The following ZNF385D variants were observed in gnomAD, a reference collection of about 807,000 sequenced individuals.
The protein encoded by ZNF385D is zinc finger protein 385D.
In ZNF385D, 15 loss-of-function variants were observed where a neutral mutation model predicts 35.8. The observed-to-expected ratio is 0.42, with a 90% CI of 0.28 to 0.64. The LOEUF (loss-of-function observed/expected upper bound fraction) is 0.64, where lower values mean the gene tolerates loss of function less well. Ranked by LOEUF, ZNF385D falls within the 30% of genes least tolerant of loss-of-function variation. The probability of loss-of-function intolerance (pLI) is 0.23; values close to 1 mark genes in which losing one functional copy is unlikely to be tolerated. For missense variants in ZNF385D, 474 were observed against 494.6 expected (o/e 0.96, Z 0.39); for synonymous variants, 212 against 186.8 (o/e 1.13, Z -1.10).
At position 22,027,907 on chromosome 3, in the gene ZNF385D, C is replaced by T. The variant is rs550920164; in HGVS notation, c.325+140910G>A. 8.5e-5 allele frequency among the ~76,000 whole-genome samples: 13 copies of T among 152,302 alleles called. No homozygotes were observed. In the South Asian group the frequency reaches 2.7e-3, roughly 32 times the overall value. Reference sequence around the variant, plus strand: ...CAGATGGTTCTGCACTATATGCAGGCACTACCAAAAGTGGAGAGCTGCAGC... The same window carrying T: ...CAGATGGTTCTGCACTATATGCAGGTACTACCAAAAGTGGAGAGCTGCAGC... On this transcript the variant is annotated intron_variant, in intron 3 of 5. Coordinates refer to the ZNF385D transcript ENST00000494108.
intron 2 of ZNF385D, among the ~76,000 whole-genome samples, chr3:22,202,336 G>A (rs1221227192): frequency 6.6e-6 from 1 of 152,046 alleles, no homozygotes. Context: ...ATTCAGCCAT[G>A]TCTCCTTCTC....
intron 1 of ZNF385D, among the ~76,000 whole-genome samples, chr3:21,697,615 T>G (rs892850627): frequency 1.1e-4 from 16 of 152,078 alleles, no homozygotes; most frequent in African/African-American, 3.6e-4. Context: ...TGGGACTTAA[T>G]TAAACTAAAA....
chr3:21,702,642 A>G (rs1041630637), intron 1 of ZNF385D, among the ~76,000 whole-genome samples: 1 of 152,136 alleles, frequency 6.6e-6, no homozygotes, highest in Non-Finnish European at 1.5e-5. Flanking sequence ...ACTTTTATGC[A>G]CTGTTTCCCT....
chr3:21,496,422 T>C (rs1705861914), intron 4 of ZNF385D, among the ~76,000 whole-genome samples: 1 of 145,816 alleles, frequency 6.9e-6, no homozygotes, highest in South Asian at 2.1e-4. Context: ...TTGATATATA[T>C]ATCATATATA....
chr3:22,280,488 G>T (rs1701680734), intron 2 of ZNF385D, among the ~76,000 whole-genome samples: 1 of 151,802 alleles, frequency 6.6e-6, no homozygotes, highest in East Asian at 1.9e-4. Flanking sequence ...TCTACATGTG[G>T]CTTGCCGATT....
At chr3:22,079,926 A>C (rs1487611508) in intron 3 of ZNF385D, among the ~76,000 whole-genome samples, 4 of 152,090 alleles carry the variant, frequency 2.6e-5, no homozygotes, top group East Asian at 3.9e-4. Context: ...ATGTGTGTAC[A>C]TATATACATA....
At chr3:22,088,717 A>C (rs751638965) in intron 3 of ZNF385D, among the ~76,000 whole-genome samples, 5 of 152,182 alleles carry the variant, frequency 3.3e-5, no homozygotes, top group Non-Finnish European at 7.4e-5. Context: ...AAACAACAAC[A>C]AACTAACAAA....
At chr3:21,755,497 C>T (rs944898218), upstream of ZNF385D, among the ~76,000 whole-genome samples, 2 of 152,196 alleles carry the variant, frequency 1.3e-5, no homozygotes. Flanking sequence ...TTCACCTGCT[C>T]TCTCTACTGA....
At chr3:22,194,149 T>C (rs189427054) in intron 2 of ZNF385D, among the ~76,000 whole-genome samples, 4 of 149,440 alleles carry the variant, frequency 2.7e-5, no homozygotes, top group Middle Eastern at 3.6e-3. Flanking sequence ...TTATAATCTC[T>C]TATGTTTAGT....
intron 2 of ZNF385D, among the ~76,000 whole-genome samples, chr3:22,176,666 CT>C (rs1182570181): frequency 6.6e-6 from 1 of 152,088 alleles, no homozygotes; most frequent in Non-Finnish European, 1.5e-5. Flanking sequence ...AAATGCATTC[CT>C]TTCTTCCTTT....
At chr3:21,549,563 G>C (rs2062496340) in intron 3 of ZNF385D, among the ~76,000 whole-genome samples, 1 of 152,138 alleles carries the variant, frequency 6.6e-6, no homozygotes, top group Admixed American at 6.5e-5. Flanking sequence ...TTCAAACATA[G>C]TGACAACCTA....
chr3:22,328,507 C>T (rs1286108620), intron 2 of ZNF385D, among the ~76,000 whole-genome samples: 1 of 151,932 alleles, frequency 6.6e-6, no homozygotes, highest in African/African-American at 2.4e-5. Flanking sequence ...GCTCATGCCT[C>T]TAATCCCAGC....
rs192750731 is a variant in ZNF385D at position 22,039,104 on chromosome 3, G to A, written c.325+129713C>T. On this transcript the variant is annotated intron_variant, in intron 3 of 5. Transcript: ENST00000494108. ...CAAACGATCCCTATGCAGACCATGT[G>A]AACGAGCCAGAAGTGGAAGCATATA... Among the ~76,000 whole-genome samples the A allele has an allele frequency of 2.4e-3, 363 of 151,696 alleles. 3 individuals are homozygous for A. Among genetic ancestry groups the A allele is most frequent in the African/African-American group, 7.8e-3 (324 of 41,424 alleles).
intron 2 of ZNF385D, among the ~76,000 whole-genome samples, chr3:22,322,431 T>C (rs1483921250): frequency 2.6e-5 from 4 of 152,182 alleles, no homozygotes; most frequent in Non-Finnish European, 4.4e-5. Flanking sequence ...TATCTCCCAG[T>C]ACTATAAAGG....
intron 4 of ZNF385D, among the ~76,000 whole-genome samples, chr3:21,468,286 C>T (rs1259987178): frequency 1.3e-5 from 2 of 150,612 alleles, no homozygotes; most frequent in African/African-American, 4.9e-5. Context: ...CCTGTAGTCC[C>T]AGCTACTCGG....
At chr3:21,848,221 TACC>T (rs774424480) in intron 3 of ZNF385D, among the ~76,000 whole-genome samples, 6 of 152,080 alleles carry the variant, frequency 3.9e-5, no homozygotes, top group Admixed American at 1.3e-4. Flanking sequence ...TCTATGTGTA[TACC>T]ACATTTTCTT....
chr3:22,275,003 G>A (rs1701357900), intron 2 of ZNF385D, among the ~76,000 whole-genome samples: 1 of 151,994 alleles, frequency 6.6e-6, no homozygotes, highest in South Asian at 2.1e-4. Flanking sequence ...ATTGATTAGA[G>A]AATAAGACAA....
At chr3:21,677,448 C>A (rs1033930064) in intron 1 of ZNF385D, among the ~76,000 whole-genome samples, 1 of 151,954 alleles carries the variant, frequency 6.6e-6, no homozygotes, top group African/African-American at 2.4e-5. Flanking sequence ...TCAGGCTGAG[C>A]CAGAATTAAC....
intron 3 of ZNF385D, among the ~76,000 whole-genome samples, chr3:21,892,620 T>A (rs900639578): frequency 6.6e-5 from 10 of 152,186 alleles, no homozygotes; most frequent in African/African-American, 2.4e-4. Flanking sequence ...GTCCTATTTA[T>A]TTGCAAAGGA....
Sources: allele counts gnomAD v4.1 joint callset (sites outside exome capture counted in the v4.1 genomes callset), GRCh38; gene constraint gnomAD v4.1.1; transcripts MANE v1.5; gene names NCBI Gene and HGNC (gene_info 2026-07-23, HGNC 2026-07-21).